The following RGS6 variants were observed in gnomAD, a reference collection of about 807,000 sequenced individuals.
The protein encoded by RGS6 is regulator of G protein signaling 6.
A neutral mutation model predicts 78.5 loss-of-function variants in RGS6; 30 were observed. The ratio of observed to expected loss-of-function variants is 0.38; its 90% CI spans 0.29 to 0.52. The LOEUF is 0.52. Ranked by LOEUF, RGS6 falls within the 20% of genes least tolerant of loss-of-function variation. RGS6 has a pLI of 0.85. For synonymous variants in RGS6, 206 were observed against 206.0 expected (o/e 1.00, Z 0.00); for missense variants, 495 against 609.7 (o/e 0.81, Z 1.98).
In RGS6 at chr14:72,215,333, C is replaced by T. The variant is rs146562660; in HGVS notation, c.85-136762C>T. Among the ~76,000 whole-genome samples, 54 of 152,288 alleles carry T rather than the reference C, an allele frequency of 3.5e-4. No individual in the cohort carries two copies. In the Middle Eastern group the frequency reaches 0.01, roughly 29 times the overall value. ...TGCTTGGAGGCTGCTGCTTTGCTGACGGGGTAGAGATAGAAAGAAAGGGAC... is the reference window on the plus strand; with the variant it reads ...TGCTTGGAGGCTGCTGCTTTGCTGATGGGGTAGAGATAGAAAGAAAGGGAC... On this transcript the variant is annotated intron_variant, in intron 2 of 17. Coordinates refer to ENST00000553525, the MANE Select transcript of RGS6 (RefSeq NM_001204424.2).
At chr14:72,090,416 G>C (rs912895268) in intron 2 of RGS6, among the ~76,000 whole-genome samples, 7 of 152,196 alleles carry the variant, frequency 4.6e-5, no homozygotes, top group Non-Finnish European at 8.8e-5. Context: ...AGTCTCACAG[G>C]AGCGTGAACC....
intron 1 of RGS6, among the ~76,000 whole-genome samples, chr14:71,933,585 A>G (rs575934975): frequency 5.3e-5 from 8 of 152,222 alleles, no homozygotes; most frequent in African/African-American, 1.9e-4. Flanking sequence ...AGGGAAAGTG[A>G]CCCAGAAAAT....
At chr14:71,939,418 A>G (rs1483604348) in intron 1 of RGS6, among the ~76,000 whole-genome samples, 1 of 152,192 alleles carries the variant, frequency 6.6e-6, no homozygotes, top group African/African-American at 2.4e-5. Context: ...CGTCAATGTA[A>G]TGGACCAGAG....
chr14:72,341,716 T>C (rs1404876114), intron 2 of RGS6, among the ~76,000 whole-genome samples: 2 of 152,216 alleles, frequency 1.3e-5, no homozygotes, highest in Non-Finnish European at 2.9e-5. Context: ...ATTTATTTTG[T>C]AGCTGTGGGA....
chr14:72,309,435 A>C (rs1370760687), intron 2 of RGS6, among the ~76,000 whole-genome samples: 1 of 152,216 alleles, frequency 6.6e-6, no homozygotes, highest in South Asian at 2.1e-4. Context: ...CTAAGCAGAT[A>C]AGTGAGTGAG....
chr14:72,264,085 A>G (rs533695673), intron 2 of RGS6, among the ~76,000 whole-genome samples: 1 of 152,224 alleles, frequency 6.6e-6, no homozygotes, highest in Non-Finnish European at 1.5e-5. Context: ...AGGATAAAGA[A>G]AATCAATAGT....
At chr14:72,547,300 T>C (rs2097421457) in intron 17 of RGS6, 1 of 1,535,500 alleles carries the variant, frequency 6.5e-7, no homozygotes, top group Non-Finnish European at 8.7e-7. Flanking sequence ...ACTCTGCCTG[T>C]GGTCCAGACT....
At chr14:72,268,846 G>A (rs1338238843) in intron 2 of RGS6, among the ~76,000 whole-genome samples, 1 of 152,182 alleles carries the variant, frequency 6.6e-6, no homozygotes, top group Non-Finnish European at 1.5e-5. Flanking sequence ...TATCCTGGTT[G>A]AATCTTATGA....
At chr14:72,423,396 A>G (rs530280856) in intron 3 of RGS6, among the ~76,000 whole-genome samples, 30 of 152,336 alleles carry the variant, frequency 2.0e-4, no homozygotes, top group South Asian at 1.9e-3. Flanking sequence ...AAGATACAAG[A>G]TGAGATGGAA....
chr14:72,311,067 C>T (rs570042452), intron 2 of RGS6, among the ~76,000 whole-genome samples: 4 of 152,112 alleles, frequency 2.6e-5, no homozygotes, highest in African/African-American at 7.3e-5. Flanking sequence ...TGCGATCACT[C>T]TAGCCGAAGA....
In RGS6 at chr14:72,269,416, G is replaced by A. The variant is rs544241964; in HGVS notation, c.85-82679G>A. Among the ~76,000 whole-genome samples, 7 of 152,100 alleles carry A rather than the reference G, an allele frequency of 4.6e-5. No individual in the cohort carries two copies. In the East Asian group the frequency reaches 5.8e-4, roughly 13 times the overall value. On this transcript the variant is annotated intron_variant, in intron 2 of 17. Transcript: ENST00000553525. ...CACTTTCTCCCTCCATTCCAGCCAC[G>A]TTGGCTTCCTGCTGTCTCTTGAATA...
chr14:72,269,567 A>ATTT lies in RGS6; in HGVS notation c.85-82503_85-82501dup, dbSNP rs56171281. Among the ~76,000 whole-genome samples the ATTT allele has an allele frequency of 2.2e-3, 263 of 120,332 alleles. 23 individuals carry two copies. Among genetic ancestry groups the ATTT allele is most frequent in the African/African-American group, 4.8e-3 (147 of 30,408 alleles). The allele number at this position is 120,332 out of a possible 152,430, so 78.9% of individuals were successfully genotyped here. A position where few individuals can be genotyped will look rare whatever the true frequency, so the allele number is the denominator to read the frequency against. On this transcript the variant is annotated intron_variant, in intron 2 of 17. Coordinates refer to ENST00000553525, the MANE Select transcript of RGS6 (RefSeq NM_001204424.2). ...GTTTTTACAGTGAAACCTATCTTAA[A>ATTT]TTTTTTTTTTTTTTTTTTTTTTTTT...
At position 72,130,197 on chromosome 14, in the gene RGS6, G is replaced by A. The variant is rs551859818; in HGVS notation, c.84+165322G>A. 5.3e-5 allele frequency among the ~76,000 whole-genome samples: 8 copies of A among 152,272 alleles called. No homozygotes were observed. The East Asian group carries it at 9.6e-4, about 18-fold the overall frequency. On this transcript the variant is annotated intron_variant, in intron 2 of 17. Transcript: ENST00000553525. ...AACAACCAGCTGAGAATTTATGTAG[G>A]GTGAGGGCCAGAAGGGTCTTGAGTG...
At chr14:72,359,759 A>G (rs2081099496) in intron 3 of RGS6, among the ~76,000 whole-genome samples, 1 of 152,232 alleles carries the variant, frequency 6.6e-6, no homozygotes, top group African/African-American at 2.4e-5. Flanking sequence ...TTTTTCTAGA[A>G]AGTGTTTTAA....
At chr14:72,313,113 G>C (rs945429465) in intron 2 of RGS6, among the ~76,000 whole-genome samples, 2 of 152,192 alleles carry the variant, frequency 1.3e-5, no homozygotes, top group African/African-American at 2.4e-5. Context: ...GTAACTGTCA[G>C]TACCTTGTGT....
chr14:72,351,982 T>A, intron 2 of RGS6, 113 bp from the exon 3 acceptor site: 1 of 733,608 alleles, frequency 1.4e-6, no homozygotes, highest in Non-Finnish European at 2.2e-6. Context: ...TGGGAGCTTT[T>A]TGTGATATCT....
intron 2 of RGS6, among the ~76,000 whole-genome samples, chr14:72,007,027 CA>C (rs35651129): frequency 6.7e-5 from 10 of 150,314 alleles, no homozygotes; most frequent in Non-Finnish European, 1.0e-4. Flanking sequence ...TACGTAGTGG[CA>C]AAAAAAAGAA....
chr14:72,569,352 TG>T (rs2097717586), downstream of RGS6, among the ~76,000 whole-genome samples: 1 of 152,158 alleles, frequency 6.6e-6, no homozygotes, highest in Admixed American at 6.5e-5. Context: ...GCTGCTGGTT[TG>T]TTTTCTGACC....
At chr14:72,066,250 A>C (rs142524059) in intron 2 of RGS6, among the ~76,000 whole-genome samples, 3 of 152,078 alleles carry the variant, frequency 2.0e-5, no homozygotes, top group Non-Finnish European at 4.4e-5. Flanking sequence ...AGATTTTGCT[A>C]TCTCTCCAGG....
Sources: gnomAD v4.1 joint callset for allele counts (sites outside exome capture counted in the v4.1 genomes callset) on GRCh38, gnomAD v4.1.1 for gene constraint, MANE v1.5 for transcripts, NCBI Gene and HGNC (gene_info 2026-07-23, HGNC 2026-07-21) for gene names.